The following CALN1 variants were observed in gnomAD, a reference collection of about 807,000 sequenced individuals.
CALN1 encodes the protein calcium-binding protein 8.
In CALN1, 17 loss-of-function variants were observed where a neutral mutation model predicts 30.6. That is an observed-to-expected ratio of 0.56 (90% confidence interval 0.38 to 0.83). The LOEUF is 0.83. CALN1 is among the 40% of genes least tolerant of loss of function. The probability of loss-of-function intolerance (pLI) is 0.00; values close to 1 mark genes in which losing one functional copy is unlikely to be tolerated. For synonymous variants in CALN1, 156 were observed against 131.4 expected (o/e 1.19, Z -1.28); for missense variants, 291 against 354.9 (o/e 0.82, Z 1.45).
chr7:72,373,456 T>C (rs1467373899), intron 2 of CALN1, among the ~76,000 whole-genome samples: 4 of 152,330 alleles, frequency 2.6e-5, no homozygotes, highest in African/African-American at 7.2e-5. Flanking sequence ...ACTCAGTCAA[T>C]AGAAACCATA....
chr7:72,088,080 A>G (rs893580561), intron 4 of CALN1, among the ~76,000 whole-genome samples: 6 of 152,236 alleles, frequency 3.9e-5, no homozygotes, highest in African/African-American at 1.4e-4. Flanking sequence ...AGGCAGGAAG[A>G]TCGCTTGAGC....
intron 5 of CALN1, among the ~76,000 whole-genome samples, chr7:71,855,185 G>A (rs562390246): frequency 4.9e-4 from 74 of 152,160 alleles, no homozygotes; most frequent in Admixed American, 1.8e-3. Context: ...TTCTAGCGTC[G>A]TTCTCCAAGT....
intron 2 of CALN1, among the ~76,000 whole-genome samples, chr7:72,317,734 A>C (rs1255623979): frequency 2.0e-5 from 3 of 152,180 alleles, no homozygotes; most frequent in Non-Finnish European, 4.4e-5. Context: ...TTTGAGGAGA[A>C]CATTACTTCC....
At chr7:72,476,930 G>A in the CALN1 span, among the ~76,000 whole-genome samples, 7 of 152,130 alleles carry the variant, frequency 4.6e-5, no homozygotes, top group African/African-American at 1.4e-4. Flanking sequence ...AAGGTGCGTC[G>A]CCAGGCGCCG....
intron 2 of CALN1, among the ~76,000 whole-genome samples, chr7:72,346,892 G>T (rs546677336): frequency 2.6e-5 from 4 of 152,266 alleles, no homozygotes; most frequent in South Asian, 2.1e-4. Context: ...GCACTCAATA[G>T]ATGTGGTTAA....
At chr7:71,984,025 C>T (rs1298540271) in intron 5 of CALN1, among the ~76,000 whole-genome samples, 1 of 152,016 alleles carries the variant, frequency 6.6e-6, no homozygotes, top group Admixed American at 6.6e-5. Context: ...ATAGATGGAC[C>T]TCTAGCTAAT....
chr7:71,952,558 G>GTCCTCCAAATGCTCA (rs1796745818), intron 5 of CALN1, among the ~76,000 whole-genome samples: 2 of 152,136 alleles, frequency 1.3e-5, no homozygotes, highest in Admixed American at 1.3e-4. Context: ...GATTTGATCG[G>GTCCTCCAAATGCTCA]TCCTCCAAAT....
At chr7:71,893,929 C>G (rs10243317) in intron 5 of CALN1, among the ~76,000 whole-genome samples, 24,672 of 151,994 alleles carry the variant, frequency 0.16, 2,547 homozygotes, top group Non-Finnish European at 0.23. Flanking sequence ...CTCTGTGAAT[C>G]AGGCTTGTAC....
At chr7:72,148,748 T>C (rs1380941097) in intron 3 of CALN1, among the ~76,000 whole-genome samples, 1 of 151,718 alleles carries the variant, frequency 6.6e-6, no homozygotes, top group Non-Finnish European at 1.5e-5. Context: ...CTATTAAAAA[T>C]ACAAAAATTA....
intron 3 of CALN1, among the ~76,000 whole-genome samples, chr7:72,257,491 G>A (rs1051325934): frequency 6.6e-6 from 1 of 152,132 alleles, no homozygotes; most frequent in Non-Finnish European, 1.5e-5. Flanking sequence ...GGTGAAAAGG[G>A]AACACTTCCA....
intron 5 of CALN1, among the ~76,000 whole-genome samples, chr7:71,987,356 C>T (rs973173212): frequency 2.0e-5 from 3 of 152,178 alleles, no homozygotes; most frequent in Non-Finnish European, 2.9e-5. Context: ...CAAGTCCATG[C>T]GGGGGCTGTG....
At chr7:72,397,067 T>C (rs1022126144) in intron 2 of CALN1, among the ~76,000 whole-genome samples, 4 of 152,044 alleles carry the variant, frequency 2.6e-5, no homozygotes, top group African/African-American at 4.8e-5. Context: ...TCCACCACCG[T>C]GCCTGGTTAA....
intron 5 of CALN1, among the ~76,000 whole-genome samples, chr7:71,820,888 G>T (rs527372833): frequency 2.0e-4 from 30 of 152,312 alleles, no homozygotes; most frequent in Middle Eastern, 3.4e-3. Flanking sequence ...GAGATAGGGA[G>T]AATTTATGAG....
At chr7:72,210,154 C>A (rs1030121565) in intron 3 of CALN1, among the ~76,000 whole-genome samples, 5 of 152,006 alleles carry the variant, frequency 3.3e-5, no homozygotes, top group African/African-American at 9.7e-5. Context: ...TCCGTCTCCC[C>A]CTTCCAGCCA....
Position 72,403,412 on chromosome 7 carries a change from T to G in CALN1, c.-43A>C. On this transcript the variant is annotated 5_prime_UTR_variant, in exon 2 of 7. The change abolishes an upstream ATG in the 5' untranslated region. Transcript: ENST00000395275. ...GTTCTCAGAGAGAGTTAGAAGCTCA[T>G]CAAAGGAACGTCAGCGAAGGCACTG... 6.8e-7 allele frequency: 1 copy of G among 1,478,080 alleles called. No individual in the cohort carries two copies. Among genetic ancestry groups the G allele is most frequent in the Non-Finnish European group, 9.1e-7 (1 of 1,095,750 alleles). 91.6% of individuals were successfully genotyped at this position (1,478,080 alleles called of 1,614,324 possible).
intron 3 of CALN1, among the ~76,000 whole-genome samples, chr7:72,145,186 G>GT (rs1786606185): frequency 6.6e-6 from 1 of 152,090 alleles, no homozygotes; most frequent in Non-Finnish European, 1.5e-5. Context: ...CCAGGAGCTG[G>GT]TTTTTTGAAA....
chr7:72,332,013 C>G (rs2129558154), intron 2 of CALN1, among the ~76,000 whole-genome samples: 1 of 152,306 alleles, frequency 6.6e-6, no homozygotes, highest in African/African-American at 2.4e-5. Flanking sequence ...ATCCATGTCC[C>G]TGCAAAGGAC....
chr7:72,015,372 C>A (rs1800316483), intron 5 of CALN1, among the ~76,000 whole-genome samples: 1 of 152,026 alleles, frequency 6.6e-6, no homozygotes, highest in Non-Finnish European at 1.5e-5. Flanking sequence ...TCTGATTCAA[C>A]AGGTCAGTAT....
chr7:72,363,100 G>A (rs1459319590), intron 2 of CALN1, among the ~76,000 whole-genome samples: 1 of 152,056 alleles, frequency 6.6e-6, no homozygotes, highest in Non-Finnish European at 1.5e-5. Flanking sequence ...ACGTCATGGG[G>A]GTCTGTCGTA....
Sources: allele counts gnomAD v4.1 joint callset (sites outside exome capture counted in the v4.1 genomes callset), GRCh38; gene constraint gnomAD v4.1.1; transcripts MANE v1.5; gene names NCBI Gene and HGNC (gene_info 2026-07-23, HGNC 2026-07-21).